Variants in FLVCR2 observed in about 807,000 individuals in gnomAD.
FLVCR2 encodes the protein choline/ethanolamine transporter FLVCR2.
FLVCR2 carries 38 observed loss-of-function variants against 48.9 expected under a neutral mutation model. The observed-to-expected ratio is 0.78, with a 90% CI of 0.60 to 1.02. The LOEUF (loss-of-function observed/expected upper bound fraction) is 1.02. Ranked by LOEUF, FLVCR2 falls within the 50% of genes least tolerant of loss-of-function variation. FLVCR2 has a pLI of 0.00. For missense variants in FLVCR2, 664 were observed against 663.3 expected (o/e 1.00, Z -0.01); for synonymous variants, 255 against 257.0 (o/e 0.99, Z 0.07).
Position 75,621,512 on chromosome 14 carries a change from T to G in FLVCR2, c.670-567T>G, listed in dbSNP as rs1055123791. On this transcript the variant is annotated intron_variant, in intron 1 of 9. Coordinates refer to ENST00000238667, the MANE Select transcript of FLVCR2 (RefSeq NM_017791.3). ...GTGCCTATCTCCTATGTGTATAAAT[T>G]TATGCAGTTATGTGTGACTTCACAC... 2.0e-5 allele frequency among the ~76,000 whole-genome samples: 3 copies of G among 152,178 alleles called. No individual in the cohort carries two copies. In the South Asian group the frequency reaches 6.2e-4, roughly 32 times the overall value.
chr14:75,621,153 A>AGT (rs1889753836), intron 1 of FLVCR2, among the ~76,000 whole-genome samples: 2 of 152,186 alleles, frequency 1.3e-5, no homozygotes, highest in African/African-American at 4.8e-5. Flanking sequence ...AACCCAGATA[A>AGT]GAAATGGTTT....
rs749857475 is a variant in FLVCR2 at position 75,639,376 on chromosome 14, C to G, written c.1149C>G (p.Ile383Met). 4.3e-6 allele frequency: 7 copies of G among 1,613,630 alleles called. No individual in the cohort carries two copies. Among genetic ancestry groups the G allele is most frequent in the Non-Finnish European group, 5.9e-6 (7 of 1,179,628 alleles). The change falls in exon 6 of 10, where the codon ATC (isoleucine) becomes ATG (methionine). Residue 383 changes from isoleucine to methionine, a missense_variant. By Grantham distance (10) the Ile-to-Met change is conservative (BLOSUM62 1). Coordinates refer to ENST00000238667, the MANE Select transcript of FLVCR2 (RefSeq NM_017791.3). ...TYKETTLVVY[I>M]MTLVGMVVYT... is the part of the protein sequence containing the mutation. The stretch of plus-strand genomic sequence containing the variant: ...GAGAGACAACCCTGGTAGTCTATAT[C>G]ATGACACTGGTGGGCATGGTGGTGT...
chr14:75,584,061 C>T lies in FLVCR2; in HGVS notation c.669+4420C>T, dbSNP rs979138502. ...GACAGTCCGACCTCCACTGGGGGCC[C>T]GCACAGATGGCACGGCTTAGGAGGA... is the stretch of plus-strand genomic sequence containing the variant. On this transcript the variant is annotated intron_variant, in intron 1 of 9. Coordinates refer to ENST00000238667, the MANE Select transcript of FLVCR2 (RefSeq NM_017791.3). 2.6e-5 allele frequency among the ~76,000 whole-genome samples: 4 copies of T among 152,304 alleles called. No homozygotes were observed. In the South Asian group the frequency reaches 6.2e-4, roughly 24 times the overall value.
intron 1 of FLVCR2, among the ~76,000 whole-genome samples, chr14:75,593,656 T>G (rs1888941379): frequency 1.3e-5 from 2 of 152,152 alleles, no homozygotes; most frequent in South Asian, 4.1e-4. Context: ...GGATAAAATT[T>G]CAACATAAGT....
intron 3 of FLVCR2, chr14:75,632,610 T>C (rs1890072749): frequency 1.4e-6 from 1 of 702,340 alleles, no homozygotes; most frequent in Non-Finnish European, 2.6e-6. Context: ...TGGGGTTCTA[T>C]GGATTGGTTC....
At chr14:75,621,203 A>G (rs193223791) in intron 1 of FLVCR2, among the ~76,000 whole-genome samples, 271 of 152,184 alleles carry the variant, frequency 1.8e-3, no homozygotes, top group African/African-American at 6.1e-3. Flanking sequence ...CACGAGGTCA[A>G]GAGATGGAGA....
At chr14:75,625,078 TA>T (rs1384947569) in intron 3 of FLVCR2, among the ~76,000 whole-genome samples, 1 of 65,960 alleles carries the variant, frequency 1.5e-5, no homozygotes, top group South Asian at 5.2e-4. Flanking sequence ...CACCTGTCAT[TA>T]AAAAAAAATT....
chr14:75,616,141 A>G (rs1889611609), intron 1 of FLVCR2, among the ~76,000 whole-genome samples: 2 of 151,706 alleles, frequency 1.3e-5, no homozygotes, highest in South Asian at 4.2e-4. Context: ...CCTAGGCAAC[A>G]TAGTGAGAGA....
intron 5 of FLVCR2, 112 bp downstream of exon 5, chr14:75,635,125 G>T: frequency 5.3e-6 from 4 of 755,208 alleles, no homozygotes; most frequent in Non-Finnish European, 9.4e-6. Context: ...GGCCAAGCAG[G>T]TCATTCAAGT....
Position 75,625,472 on chromosome 14 carries a change from G to A in FLVCR2, c.952+720G>A, listed in dbSNP as rs889374521. ...TGGATCGAACAAGGGCAAAGACAGA[G>A]CCTCATAGCATTCCACTAAAGAGTG... On this transcript the variant is annotated intron_variant, in intron 3 of 9. Coordinates refer to ENST00000238667, the MANE Select transcript of FLVCR2 (RefSeq NM_017791.3). Among the ~76,000 whole-genome samples, 4 of 151,920 alleles carry A rather than the reference G, an allele frequency of 2.6e-5. No homozygotes were observed. The East Asian group carries it at 7.7e-4, about 29-fold the overall frequency.
chr14:75,643,311 A>G (rs1890346790), intron 9 of FLVCR2, among the ~76,000 whole-genome samples: 1 of 152,246 alleles, frequency 6.6e-6, no homozygotes, highest in Non-Finnish European at 1.5e-5. Flanking sequence ...ATCTTTGTGC[A>G]TGTTCTCAAG....
At chr14:75,595,816 G>C (rs1889005378) in intron 1 of FLVCR2, 1 of 852,838 alleles carries the variant, frequency 1.2e-6, no homozygotes, top group African/African-American at 1.7e-5. Context: ...TACTCCTTCA[G>C]CTTTTTGCCA....
At chr14:75,594,586 G>A (rs1056729917) in intron 1 of FLVCR2, among the ~76,000 whole-genome samples, 1 of 152,246 alleles carries the variant, frequency 6.6e-6, no homozygotes, top group African/African-American at 2.4e-5. Context: ...CATCTGGTGA[G>A]GGCCTTCTTG....
intron 1 of FLVCR2, among the ~76,000 whole-genome samples, chr14:75,611,248 G>C (rs575339846): frequency 6.6e-4 from 100 of 152,308 alleles, no homozygotes; most frequent in African/African-American, 2.3e-3. Context: ...TACACATTTG[G>C]GGACATTTGA....
intron 5 of FLVCR2, among the ~76,000 whole-genome samples, chr14:75,636,068 G>T (rs1428833014): frequency 6.6e-6 from 1 of 152,140 alleles, no homozygotes; most frequent in African/African-American, 2.4e-5. Flanking sequence ...ATTTTCCAGT[G>T]CTCCCCGTTC....
chr14:75,622,231 T>C lies in FLVCR2; in HGVS notation c.811+11T>C, dbSNP rs1439952124. The C allele has an allele frequency of 9.3e-6, 15 of 1,613,660 alleles. No individual in the cohort carries two copies. Among genetic ancestry groups the C allele is most frequent in the Admixed American group, 1.7e-5 (1 of 59,994 alleles). On this transcript the variant is annotated intron_variant, in intron 2 of 9. Transcript: ENST00000238667. ...TCCTTGTCATCATTGGTAAGGTCAT[T>C]AGTAAACAGATGGGGTAGCAGGGGG...
intron 3 of FLVCR2, 56 bp downstream of exon 3, chr14:75,624,808 C>T (rs546142784): frequency 1.6e-5 from 25 of 1,580,154 alleles, no homozygotes; most frequent in Non-Finnish European, 2.0e-5. Context: ...AGATGAGAGG[C>T]CTGATGTGTC....
intron 5 of FLVCR2, among the ~76,000 whole-genome samples, chr14:75,635,916 A>C (rs1890157961): frequency 6.6e-6 from 1 of 152,164 alleles, no homozygotes; most frequent in African/African-American, 2.4e-5. Flanking sequence ...GTTTTAGTGA[A>C]TGCCAGGCCA....
At chr14:75,632,134 G>A (rs1183604852) in intron 3 of FLVCR2, among the ~76,000 whole-genome samples, 1 of 152,236 alleles carries the variant, frequency 6.6e-6, no homozygotes, top group East Asian at 1.9e-4. Flanking sequence ...TTGTGAGGAT[G>A]TAAAGCAGAG....
Sources: allele counts gnomAD v4.1 joint callset (sites outside exome capture counted in the v4.1 genomes callset), GRCh38; gene constraint gnomAD v4.1.1; transcripts MANE v1.5; gene names NCBI Gene and HGNC (gene_info 2026-07-23, HGNC 2026-07-21).